C8orf34: variants seen among roughly 807,000 people sequenced by gnomAD.
The protein encoded by C8orf34 is chromosome 8 open reading frame 34, also known as uncharacterized protein C8orf34.
In C8orf34, 65 loss-of-function variants were observed where a neutral mutation model predicts 68.3. The observed-to-expected ratio is 0.95, with a 90% CI of 0.78 to 1.17. C8orf34 has a LOEUF of 1.17. Among genes scored for constraint, C8orf34 ranks in the 50% most tolerant of loss-of-function variants. C8orf34 has a pLI of 0.00. For synonymous variants in C8orf34, 244 were observed against 241.2 expected (o/e 1.01, Z -0.11); for missense variants, 664 against 655.4 (o/e 1.01, Z -0.14).
intron 10 of C8orf34, among the ~76,000 whole-genome samples, chr8:68,735,991 T>C (rs1822111397): frequency 1.3e-5 from 2 of 152,220 alleles, no homozygotes; most frequent in Non-Finnish European, 2.9e-5. Context: ...TATTCCACTG[T>C]TGACTGGTTT....
intron 8 of C8orf34, among the ~76,000 whole-genome samples, chr8:68,683,988 A>AT (rs1489988931): frequency 2.0e-5 from 3 of 152,188 alleles, no homozygotes; most frequent in Non-Finnish European, 2.9e-5. Context: ...TTTTAAACAG[A>AT]TTTTAAAACA....
Position 68,456,314 on chromosome 8 carries a change from G to A in C8orf34, c.607+9854G>A, listed in dbSNP as rs745452722. On this transcript the variant is annotated intron_variant, in intron 3 of 13. Transcript: ENST00000518698. ...TAAAATAGCTACTATATATTAATCA[G>A]AAGAACTTTCTGAAGAAAAAAGCAA... Among the ~76,000 whole-genome samples the A allele has an allele frequency of 3.0e-4, 45 of 151,916 alleles. 1 individual carries two copies. The highest frequency in any genetic ancestry group is 2.2e-3 in the Admixed American group (34 of 15,226).
At chr8:68,568,049 G>A (rs1211016584) in intron 7 of C8orf34, among the ~76,000 whole-genome samples, 5 of 152,048 alleles carry the variant, frequency 3.3e-5, no homozygotes, top group Non-Finnish European at 7.4e-5. Flanking sequence ...CAGAGAGATA[G>A]GGGGATGGCT....
At chr8:68,711,554 G>T (rs1051578805) in intron 9 of C8orf34, among the ~76,000 whole-genome samples, 8 of 151,928 alleles carry the variant, frequency 5.3e-5, no homozygotes, top group Admixed American at 5.2e-4. Flanking sequence ...AATTAAACAA[G>T]CAGAAGAAAG....
intron 7 of C8orf34, among the ~76,000 whole-genome samples, chr8:68,631,599 T>A (rs1818691692): frequency 6.6e-6 from 1 of 152,182 alleles, no homozygotes; most frequent in African/African-American, 2.4e-5. Context: ...AAAGTACTAT[T>A]GATATTGTTT....
chr8:68,459,086 A>G (rs752552176), intron 3 of C8orf34, among the ~76,000 whole-genome samples: 3 of 152,200 alleles, frequency 2.0e-5, no homozygotes, highest in African/African-American at 4.8e-5. Context: ...TTTGCTGTAT[A>G]AAAGTGACCT....
At position 68,446,429 on chromosome 8, in the gene C8orf34, T is replaced by G; in HGVS notation, c.576T>G (p.Asn192Lys). The G allele has an allele frequency of 6.2e-7, 1 of 1,613,246 alleles. No individual in the cohort carries two copies. The highest frequency in any genetic ancestry group is 8.5e-7 in the Non-Finnish European group (1 of 1,179,622). The change falls in exon 3 of 14, where the codon AAT (asparagine) becomes AAG (lysine). Residue 192 changes from asparagine (N) to lysine (K), a missense_variant. By Grantham distance (94) the Asn-to-Lys change is moderately conservative (BLOSUM62 0). Coordinates refer to ENST00000518698, the MANE Select transcript of C8orf34 (RefSeq NM_052958.4). ...CAAAAAGTGACCTTGCTGTGTCTAA[T>G]ATTTCTCCACCATCACCGGACTCCA... ...KKSKSDLAVS[N>K]ISPPSPDSKS...
At chr8:68,532,473 A>G (rs1051529895) in intron 6 of C8orf34, among the ~76,000 whole-genome samples, 1 of 152,202 alleles carries the variant, frequency 6.6e-6, no homozygotes, top group Non-Finnish European at 1.5e-5. Context: ...CAAAAGCACT[A>G]TAAATAAAAG....
At chr8:68,794,270 C>G (rs889281732) in intron 12 of C8orf34, among the ~76,000 whole-genome samples, 2 of 151,324 alleles carry the variant, frequency 1.3e-5, no homozygotes, top group Non-Finnish European at 2.9e-5. Context: ...CTCCAGGGCT[C>G]AAGCGATCCT....
chr8:68,366,645 G>A (rs1311737144), intron 1 of C8orf34, among the ~76,000 whole-genome samples: 1 of 150,564 alleles, frequency 6.6e-6, no homozygotes, highest in African/African-American at 2.5e-5. Flanking sequence ...CAAGAAATGG[G>A]GAAAGGATTC....
chr8:68,728,976 A>G (rs1821909858), intron 10 of C8orf34, among the ~76,000 whole-genome samples: 1 of 152,206 alleles, frequency 6.6e-6, no homozygotes, highest in Admixed American at 6.5e-5. Context: ...CATATTTCCC[A>G]AGGTCCCATG....
intron 8 of C8orf34, among the ~76,000 whole-genome samples, chr8:68,653,157 A>G (rs1178708095): frequency 6.6e-6 from 1 of 152,242 alleles, no homozygotes; most frequent in Non-Finnish European, 1.5e-5. Flanking sequence ...GGTTACTAAA[A>G]TTTAAAACCG....
At chr8:68,570,637 C>T (rs1816735051) in intron 7 of C8orf34, among the ~76,000 whole-genome samples, 1 of 152,140 alleles carries the variant, frequency 6.6e-6, no homozygotes, top group Non-Finnish European at 1.5e-5. Context: ...ATTTCCCCTG[C>T]TAAGTAAAAG....
intron 10 of C8orf34, among the ~76,000 whole-genome samples, chr8:68,755,148 T>C (rs1822818336): frequency 6.6e-6 from 1 of 152,192 alleles, no homozygotes; most frequent in South Asian, 2.1e-4. Flanking sequence ...AAATATTTTG[T>C]ACTAAGCATG....
intron 5 of C8orf34, among the ~76,000 whole-genome samples, chr8:68,495,477 G>C (rs1277268868): frequency 2.6e-5 from 4 of 152,140 alleles, no homozygotes. Flanking sequence ...TTGGGAAATA[G>C]GGAGTATTAT....
intron 7 of C8orf34, among the ~76,000 whole-genome samples, chr8:68,566,944 G>GT (rs1478197415): frequency 6.6e-6 from 1 of 152,094 alleles, no homozygotes; most frequent in Non-Finnish European, 1.5e-5. Context: ...ATTGACTTGC[G>GT]TATGTTAAAC....
At chr8:68,523,778 T>G (rs926304662) in intron 6 of C8orf34, among the ~76,000 whole-genome samples, 1 of 152,162 alleles carries the variant, frequency 6.6e-6, no homozygotes, top group South Asian at 2.1e-4. Context: ...AGAAAATTTT[T>G]TAATGGCTCC....
At chr8:68,385,372 G>C (rs1808217889) in intron 1 of C8orf34, among the ~76,000 whole-genome samples, 1 of 152,160 alleles carries the variant, frequency 6.6e-6, no homozygotes, top group South Asian at 2.1e-4. Flanking sequence ...CAAGCTGACA[G>C]ATGTGCCTAA....
intron 1 of C8orf34, among the ~76,000 whole-genome samples, chr8:68,418,403 C>T (rs1158454587): frequency 1.3e-5 from 2 of 152,052 alleles, no homozygotes; most frequent in Admixed American, 6.6e-5. Context: ...CTAGATTTTG[C>T]CCATTCAGTA....
Sources: gnomAD v4.1 joint callset for allele counts (sites outside exome capture counted in the v4.1 genomes callset) on GRCh38, gnomAD v4.1.1 for gene constraint, MANE v1.5 for transcripts, NCBI Gene and HGNC (gene_info 2026-07-23, HGNC 2026-07-21) for gene names.